The following NALCN variants were observed in gnomAD, a reference collection of about 807,000 sequenced individuals.
The protein encoded by NALCN is sodium leak channel NALCN.
In NALCN, 111 loss-of-function variants were observed where a neutral mutation model predicts 225.3. That is an observed-to-expected ratio of 0.49 (90% confidence interval 0.42 to 0.58). The LOEUF (loss-of-function observed/expected upper bound fraction) is 0.58. Ranked by LOEUF, NALCN falls within the 20% of genes least tolerant of loss-of-function variation. The pLI, the probability that NALCN is intolerant of heterozygous loss-of-function variation, is 0.00. For missense variants in NALCN, 1,378 were observed against 2,202.4 expected (o/e 0.63, Z 7.49); for synonymous variants, 764 against 769.0 (o/e 0.99, Z 0.11).
chr13:101,396,047 G>A (rs924686781), intron 2 of NALCN, among the ~76,000 whole-genome samples: 1 of 151,604 alleles, frequency 6.6e-6, no homozygotes, highest in East Asian at 1.9e-4. Flanking sequence ...CTTTATTTTG[G>A]AGAACACATT....
At chr13:101,391,706 C>T (rs1269761254) in intron 3 of NALCN, among the ~76,000 whole-genome samples, 1 of 143,606 alleles carries the variant, frequency 7.0e-6, no homozygotes, top group Non-Finnish European at 1.5e-5. Context: ...AGACATAGGT[C>T]TGCCACAGTG....
At chr13:101,243,857 G>A (rs1454651428) in intron 11 of NALCN, among the ~76,000 whole-genome samples, 4 of 104,498 alleles carry the variant, frequency 3.8e-5, no homozygotes, top group Admixed American at 9.0e-5. Flanking sequence ...GCTCCTCTGC[G>A]GGAAATGAAA....
intron 28 of NALCN, among the ~76,000 whole-genome samples, chr13:101,092,385 C>A (rs990898609): frequency 2.6e-5 from 4 of 152,174 alleles, no homozygotes; most frequent in Non-Finnish European, 5.9e-5. Context: ...CTTACACAAC[C>A]ATCTCTCCTA....
intron 14 of NALCN, among the ~76,000 whole-genome samples, chr13:101,189,446 T>G (rs1178295664): frequency 3.9e-5 from 6 of 152,224 alleles, no homozygotes; most frequent in Non-Finnish European, 8.8e-5. Context: ...GTGCTGGTGC[T>G]CTAAAACATC....
chr13:101,098,897 A>G (rs2034659398), intron 27 of NALCN, among the ~76,000 whole-genome samples: 1 of 151,832 alleles, frequency 6.6e-6, no homozygotes, highest in African/African-American at 2.4e-5. Flanking sequence ...ATGATGGCTG[A>G]GTCTCCTTAG....
chr13:101,078,222 CCACACACAGAGTCCA>C (rs1486906813), intron 34 of NALCN, among the ~76,000 whole-genome samples: 2 of 11,420 alleles, frequency 1.8e-4, no homozygotes, highest in Non-Finnish European at 3.9e-4. Flanking sequence ...TGGTTGGAGT[CCACACACAGAGTCCA>C]CACACAGAGT....
chr13:101,277,675 A>G (rs2043010789), intron 10 of NALCN, among the ~76,000 whole-genome samples: 1 of 152,118 alleles, frequency 6.6e-6, no homozygotes. Flanking sequence ...TCATCCATGC[A>G]TTTGTGTATC....
intron 13 of NALCN, among the ~76,000 whole-genome samples, chr13:101,212,724 C>A (rs1168395158): frequency 6.6e-6 from 1 of 152,070 alleles, no homozygotes; most frequent in African/African-American, 2.4e-5. Flanking sequence ...TCAATGCAAA[C>A]AAAGGCAAAA....
At chr13:101,123,990 T>C (rs1440588881) in intron 18 of NALCN, among the ~76,000 whole-genome samples, 3 of 152,232 alleles carry the variant, frequency 2.0e-5, no homozygotes, top group Non-Finnish European at 4.4e-5. Context: ...TATGTCTATG[T>C]AATATATGTA....
At chr13:101,264,313 A>C (rs1034528403) in intron 10 of NALCN, among the ~76,000 whole-genome samples, 2 of 151,984 alleles carry the variant, frequency 1.3e-5, no homozygotes, top group African/African-American at 4.8e-5. Flanking sequence ...TTGCAATGTC[A>C]TTTTGGTTTA....
chr13:101,062,035 A>G lies in NALCN; in HGVS notation c.4688T>C (p.Ile1563Thr). The stretch of plus-strand genomic sequence containing the variant: ...GGTCTGCTTGGCCACCTCCTCCTCT[A>G]TGGTGTACTCCAGCTGCTCCCTCGC... ...LLAREQLEYT[I>T]EEEVAKQTIR... Residue 1563 changes from isoleucine to threonine, a missense_variant, in exon 41 of 44, where the codon ATA (isoleucine) becomes ACA (threonine). Ile to Thr is a moderately conservative substitution (Grantham distance 89, BLOSUM62 -1). This residue lies in a region of NALCN where 94 missense variants were observed against 170.3 expected (regional missense o/e 0.55). Transcript: ENST00000251127. 1 of 1,614,080 alleles carries G rather than the reference A, an allele frequency of 6.2e-7. No individual in the cohort carries two copies. Among genetic ancestry groups the G allele is most frequent in the Non-Finnish European group, 8.5e-7 (1 of 1,179,996 alleles).
At chr13:101,215,777 C>T (rs866362363) in intron 13 of NALCN, among the ~76,000 whole-genome samples, 102 of 152,014 alleles carry the variant, frequency 6.7e-4, no homozygotes, top group African/African-American at 2.2e-3. Context: ...CATATGTATA[C>T]ATGTGCCACG....
intron 14 of NALCN, among the ~76,000 whole-genome samples, chr13:101,183,090 CA>C (rs2039306143): frequency 6.6e-6 from 1 of 152,182 alleles, no homozygotes; most frequent in African/African-American, 2.4e-5. Flanking sequence ...AAGGAAGAAC[CA>C]TTTTTCAGTT....
chr13:101,148,063 A>T (rs2037449230), intron 15 of NALCN, among the ~76,000 whole-genome samples: 1 of 152,182 alleles, frequency 6.6e-6, no homozygotes, highest in East Asian at 1.9e-4. Flanking sequence ...TGTGTGGCTC[A>T]AAGCAGTTGA....
chr13:101,070,063 G>GTTCTTTTTTTTTTTTTT (rs536866923), intron 37 of NALCN, among the ~76,000 whole-genome samples: 1 of 98,314 alleles, frequency 1.0e-5, no homozygotes, highest in Non-Finnish European at 1.8e-5. Flanking sequence ...AATCATGAAT[G>GTTCTTTTTTTTTTTTTT]TTTTTTTTTT....
At chr13:101,077,707 G>A (rs2033350676) in intron 34 of NALCN, among the ~76,000 whole-genome samples, 1 of 152,208 alleles carries the variant, frequency 6.6e-6, no homozygotes, top group African/African-American at 2.4e-5. Flanking sequence ...GATTTTTATA[G>A]AAAAGAAAAC....
chr13:101,156,292 C>T (rs565988989), intron 15 of NALCN, among the ~76,000 whole-genome samples: 1 of 152,248 alleles, frequency 6.6e-6, no homozygotes, highest in Admixed American at 6.5e-5. Context: ...TAAAGCCAGC[C>T]ATTTCTTCAG....
At chr13:101,220,898 T>C (rs1051190255) in intron 13 of NALCN, among the ~76,000 whole-genome samples, 5 of 152,136 alleles carry the variant, frequency 3.3e-5, no homozygotes, top group African/African-American at 1.2e-4. Flanking sequence ...CATCTTTGTA[T>C]ATTATTTAAT....
Position 101,082,839 on chromosome 13 carries a change from T to A in NALCN, c.3735A>T (p.Ser1245=), listed in dbSNP as rs111383689. 4 of 1,614,134 alleles carry A rather than the reference T, an allele frequency of 2.5e-6. No homozygotes were observed. In the East Asian group the frequency reaches 6.7e-5, roughly 27 times the overall value. Residue 1245 remains serine (S), a synonymous_variant, in exon 33 of 44, where the codon TCA becomes TCT. Transcript: ENST00000251127. ...GAACAAAGATGAAGGTGAAAACAACTGACATTGTTGCCAAAGGTACGGTCA... is the reference window on the plus strand; with the variant it reads ...GAACAAAGATGAAGGTGAAAACAACAGACATTGTTGCCAAAGGTACGGTCA... The part of the protein sequence containing the change: ...DPVTVPLATM[S]VVFTFIFVLE...
Sources: allele counts gnomAD v4.1 joint callset (sites outside exome capture counted in the v4.1 genomes callset), GRCh38; gene constraint gnomAD v4.1.1; regional missense constraint gnomAD v4.1.1; transcripts MANE v1.5; gene names NCBI Gene and HGNC (gene_info 2026-07-23, HGNC 2026-07-21).